The following C11orf54 variants were observed in gnomAD, a reference collection of about 807,000 sequenced individuals.
C11orf54 encodes the protein beta-keto L-gulonate decarboxylase.
Under a neutral mutation model 35.5 loss-of-function variants are expected in C11orf54, and 29 were observed. The ratio of observed to expected loss-of-function variants is 0.82; its 90% confidence interval spans 0.61 to 1.11. The LOEUF (loss-of-function observed/expected upper bound fraction) is 1.11, where lower values mean the gene tolerates loss of function less well. Among genes scored for constraint, C11orf54 ranks in the 50% most tolerant of loss-of-function variants. C11orf54 has a pLI of 0.00. For synonymous variants in C11orf54, 108 were observed against 121.1 expected (o/e 0.89, Z 0.71); for missense variants, 373 against 369.2 (o/e 1.01, Z -0.08).
Position 93,750,374 on chromosome 11 carries a change from T to C in C11orf54, c.84T>C (p.Phe28=). ...TGCAGAAGGGGTTAAAAGATAACTT[T>C]GCTGATGTCCAGGTCTCTGTAGTTG... The part of the protein sequence containing the change: ...GVMQKGLKDN[F]ADVQVSVVDC... Residue 28 remains phenylalanine (F), a synonymous_variant, in exon 3 of 9, where the codon TTT becomes TTC. Coordinates refer to ENST00000354421, the MANE Select transcript of C11orf54 (RefSeq NM_001286069.2). 1 of 1,613,862 alleles carries C rather than the reference T, an allele frequency of 6.2e-7. No individual in the cohort carries two copies. The highest frequency in any genetic ancestry group is 8.5e-7 in the Non-Finnish European group (1 of 1,179,834).
At chr11:93,753,898 A>G in intron 4 of C11orf54, 38 bp from the exon 5 acceptor site, 1 of 1,590,940 alleles carries the variant, frequency 6.3e-7, no homozygotes, top group Non-Finnish European at 8.6e-7. Flanking sequence ...GACTTTGTAC[A>G]AGTTGTGACT....
At chr11:93,751,739 C>T (rs1942842748) in intron 3 of C11orf54, among the ~76,000 whole-genome samples, 1 of 151,634 alleles carries the variant, frequency 6.6e-6, no homozygotes, top group South Asian at 2.1e-4. Context: ...AATGTATTTC[C>T]CCTGCTAATT....
rs772209663 is a variant in C11orf54 at position 93,750,430 on chromosome 11, C to T, written c.140C>T (p.Thr47Ile). ...CCTGATTTGACTAAGGAACCCTTTA[C>T]CTTTCCTGTAAAAGGTAAGCAATTT... The part of the protein sequence containing the change: ...DCPDLTKEPF[T>I]FPVKGICGKT... The change falls in exon 3 of 9, where the codon ACC becomes ATC. Residue 47 changes from threonine (T) to isoleucine (I), a missense_variant. Transcript: ENST00000354421. 9 of 1,612,998 alleles carry T rather than the reference C, an allele frequency of 5.6e-6. No individual in the cohort carries two copies. The highest frequency in any genetic ancestry group is 1.1e-5 in the South Asian group (1 of 90,908).
chr11:93,742,990 A>ATTTTTTC (rs1366438464), intron 1 of C11orf54: 15 of 151,674 alleles, frequency 9.9e-5, no homozygotes, highest in South Asian at 4.2e-4. Context: ...TTCATTTTGT[A>ATTTTTTC]TTTTTTCTTT....
intron 2 of C11orf54, among the ~76,000 whole-genome samples, chr11:93,748,206 T>G (rs76521635): frequency 2.6e-5 from 4 of 152,146 alleles, no homozygotes; most frequent in Non-Finnish European, 5.9e-5. Context: ...TTTTTTTTTT[T>G]CCCTAATTGA....
At chr11:93,747,212 G>A (rs2135584988) in intron 1 of C11orf54, 85 bp from the exon 2 acceptor site, 1 of 397,466 alleles carries the variant, frequency 2.5e-6, no homozygotes, top group Middle Eastern at 4.8e-4. Flanking sequence ...AATGCTGGAA[G>A]CTGTGTTTGC....
At position 93,757,325 on chromosome 11, in the gene C11orf54, G is replaced by A; in HGVS notation, c.517G>A (p.Val173Met). The change falls in exon 7 of 9, where the codon GTG (valine) becomes ATG (methionine). Residue 173 changes from valine to methionine, a missense_variant. By Grantham distance (21) the Val-to-Met change is conservative. Coordinates refer to ENST00000354421, the MANE Select transcript of C11orf54 (RefSeq NM_001286069.2). Reference sequence around the variant, plus strand: ...TTTATGTCCTCTATAGGTAATTGAGGTGAAAGCCAAAAGAAGAACTGGACC... The same window carrying A: ...TTTATGTCCTCTATAGGTAATTGAGATGAAAGCCAAAAGAAGAACTGGACC... ...SEGQPGKVIEVKAKRRTGPLN... is the reference protein window; with the variant it reads ...SEGQPGKVIEMKAKRRTGPLN... The A allele has an allele frequency of 2.5e-6, 4 of 1,598,080 alleles. No homozygotes were observed. Among genetic ancestry groups the A allele is most frequent in the African/African-American group, 1.3e-5 (1 of 74,996 alleles).
At chr11:93,748,056 G>A (rs1032103123) in intron 2 of C11orf54, among the ~76,000 whole-genome samples, 5 of 152,166 alleles carry the variant, frequency 3.3e-5, no homozygotes, top group Non-Finnish European at 5.9e-5. Context: ...ACAACCTCTA[G>A]GTTCTGTTCT....
chr11:93,743,602 C>G (rs976169952), intron 1 of C11orf54, among the ~76,000 whole-genome samples: 20 of 152,112 alleles, frequency 1.3e-4, no homozygotes, highest in Non-Finnish European at 2.8e-4. Context: ...TTTTGGTCGC[C>G]GGTAGGAGCG....
At chr11:93,757,195 G>T in intron 6 of C11orf54, 121 bp from the exon 7 acceptor site, 3 of 1,080,774 alleles carry the variant, frequency 2.8e-6, no homozygotes, top group Non-Finnish European at 3.9e-6. Flanking sequence ...TCTCAACTCA[G>T]ATCTGGGGGC....
At chr11:93,744,190 G>A (rs1942317044) in intron 1 of C11orf54, among the ~76,000 whole-genome samples, 1 of 152,178 alleles carries the variant, frequency 6.6e-6, no homozygotes, top group Non-Finnish European at 1.5e-5. Flanking sequence ...AGAAATACTT[G>A]AGAGTCCTAT....
chr11:93,758,890 G>T (rs1170550756), intron 7 of C11orf54, among the ~76,000 whole-genome samples: 1 of 152,244 alleles, frequency 6.6e-6, no homozygotes, highest in Non-Finnish European at 1.5e-5. Flanking sequence ...TGAAGGCTGG[G>T]GGCCCAGCTG....
intron 3 of C11orf54, among the ~76,000 whole-genome samples, chr11:93,752,915 T>A (rs1440793714): frequency 6.6e-6 from 1 of 151,916 alleles, no homozygotes; most frequent in Non-Finnish European, 1.5e-5. Flanking sequence ...CCCGGCTAAT[T>A]TTTTGTATTT....
chr11:93,742,133 A>C (rs970677447), intron 1 of C11orf54: 2 of 153,914 alleles, frequency 1.3e-5, no homozygotes, highest in Non-Finnish European at 2.9e-5. Context: ...GTTGGCTAAC[A>C]TGTCACAAGT....
chr11:93,762,486 T>C lies in C11orf54; in HGVS notation c.*798T>C, dbSNP rs1407860071. ...TTTACAATTTGCCTTTCACAAACAT[T>C]AGCAGTCCGGGCATGGTGGCTGAAG... is the stretch of plus-strand genomic sequence containing the variant. On this transcript the variant is annotated 3_prime_UTR_variant, in exon 9 of 9. Coordinates refer to ENST00000354421, the MANE Select transcript of C11orf54 (RefSeq NM_001286069.2). 1 of 152,140 alleles carries C rather than the reference T, an allele frequency of 6.6e-6. No homozygotes were observed. Among genetic ancestry groups the C allele is most frequent in the Non-Finnish European group, 1.5e-5 (1 of 68,040 alleles). 9.4% of individuals were successfully genotyped at this position (152,140 alleles called of 1,614,324 possible).
chr11:93,747,337 G>A lies in C11orf54; in HGVS notation c.-57G>A. The A allele has an allele frequency of 4.3e-6, 6 of 1,384,810 alleles. No individual in the cohort carries two copies. Among genetic ancestry groups the A allele is most frequent in the Non-Finnish European group, 5.0e-6 (5 of 1,008,422 alleles). 85.8% of individuals were successfully genotyped at this position (1,384,810 alleles called of 1,614,324 possible). On this transcript the variant is annotated 5_prime_UTR_variant, in exon 2 of 9. Coordinates refer to ENST00000354421, the MANE Select transcript of C11orf54 (RefSeq NM_001286069.2). ...TACTTGGTGCGCTGTGGACTCTTGT[G>A]ATAATTAACCAAGAGTAGCTCTATT...
chr11:93,753,491 T>G (rs1942955391), intron 3 of C11orf54, among the ~76,000 whole-genome samples, 191 bp from the exon 4 acceptor site: 1 of 152,202 alleles, frequency 6.6e-6, no homozygotes, highest in African/African-American at 2.4e-5. Context: ...CCATGCTTGG[T>G]TATGATGATT....
chr11:93,755,101 A>C (rs1158991860), intron 5 of C11orf54, 109 bp from the exon 6 acceptor site: 1 of 1,105,082 alleles, frequency 9.0e-7, no homozygotes, highest in Non-Finnish European at 1.3e-6. Flanking sequence ...TTCTCTTATT[A>C]GGACTTGAAC....
At chr11:93,748,624 T>TCACTTGAA (rs1281021047) in intron 2 of C11orf54, among the ~76,000 whole-genome samples, 1 of 151,744 alleles carries the variant, frequency 6.6e-6, no homozygotes, top group Non-Finnish European at 1.5e-5. Context: ...TCACTTGAGG[T>TCACTTGAA]CAGGAGTTCA....
Sources: gnomAD v4.1 joint callset for allele counts (sites outside exome capture counted in the v4.1 genomes callset) on GRCh38, gnomAD v4.1.1 for gene constraint, MANE v1.5 for transcripts, NCBI Gene and HGNC (gene_info 2026-07-23, HGNC 2026-07-21) for gene names.